The following UNC5C variants were observed in gnomAD, a reference collection of about 807,000 sequenced individuals.
UNC5C encodes netrin receptor UNC5C.
Under a neutral mutation model 99.8 loss-of-function variants are expected in UNC5C, and 47 were observed. The observed-to-expected ratio is 0.47, with a 90% confidence interval of 0.37 to 0.60. The LOEUF (loss-of-function observed/expected upper bound fraction) is 0.60, where lower values mean the gene tolerates loss of function less well. UNC5C is among the 20% of genes least tolerant of loss of function. UNC5C has a pLI of 0.00. For synonymous variants in UNC5C, 487 were observed against 452.2 expected (o/e 1.08, Z -0.98); for missense variants, 1,062 against 1,165.9 (o/e 0.91, Z 1.30).
At chr4:95,170,453 T>C (rs929181407) in intron 14 of UNC5C, 121 bp from the exon 15 acceptor site, 2 of 1,222,774 alleles carry the variant, frequency 1.6e-6, no homozygotes, top group African/African-American at 3.0e-5. Context: ...CTGTTATTCT[T>C]CTTAGGAAGA....
At chr4:95,530,452 A>G (rs1722612714) in intron 1 of UNC5C, among the ~76,000 whole-genome samples, 1 of 152,218 alleles carries the variant, frequency 6.6e-6, no homozygotes, top group Admixed American at 6.5e-5. Context: ...TCTTACTTGG[A>G]AAAGAAAGAA....
At chr4:95,196,323 C>A (rs1413750361) in intron 12 of UNC5C, among the ~76,000 whole-genome samples, 1 of 152,082 alleles carries the variant, frequency 6.6e-6, no homozygotes, top group Admixed American at 6.6e-5. Flanking sequence ...ATAGACTTGA[C>A]CTCTCTATTT....
intron 12 of UNC5C, among the ~76,000 whole-genome samples, chr4:95,193,537 TA>T (rs1000808461): frequency 1.3e-5 from 2 of 151,990 alleles, no homozygotes; most frequent in African/African-American, 4.8e-5. Flanking sequence ...GGCTGGTGTT[TA>T]AAAAAAATCA....
chr4:95,450,898 C>T (rs964335957), intron 1 of UNC5C, among the ~76,000 whole-genome samples: 1 of 152,124 alleles, frequency 6.6e-6, no homozygotes, highest in Non-Finnish European at 1.5e-5. Flanking sequence ...AGGACAATCA[C>T]CTTTTCCCTC....
chr4:95,370,549 G>A (rs1385530657), intron 1 of UNC5C, among the ~76,000 whole-genome samples: 1 of 152,054 alleles, frequency 6.6e-6, no homozygotes, highest in Non-Finnish European at 1.5e-5. Context: ...GCAAAATTGG[G>A]TACACTCATG....
At chr4:95,297,857 T>C (rs957935851) in intron 3 of UNC5C, among the ~76,000 whole-genome samples, 4 of 152,208 alleles carry the variant, frequency 2.6e-5, no homozygotes, top group Non-Finnish European at 4.4e-5. Flanking sequence ...ACATCTCTCA[T>C]AGCTGCAGTC....
At chr4:95,393,863 T>TTTAA (rs767724274) in intron 1 of UNC5C, among the ~76,000 whole-genome samples, 10 of 146,334 alleles carry the variant, frequency 6.8e-5, no homozygotes, top group African/African-American at 2.2e-4. Flanking sequence ...TTTTTTTTTT[T>TTTAA]AAAAAAAAAC....
At chr4:95,194,112 TTCCAGCCTGCACAG>T (rs1737276522) in intron 12 of UNC5C, among the ~76,000 whole-genome samples, 1 of 152,162 alleles carries the variant, frequency 6.6e-6, no homozygotes, top group Admixed American at 6.5e-5. Flanking sequence ...GAGCTGCCAC[TTCCAGCCTGCACAG>T]TCAGGGCAGT....
At chr4:95,263,500 G>A (rs1740322825) in intron 4 of UNC5C, among the ~76,000 whole-genome samples, 1 of 152,148 alleles carries the variant, frequency 6.6e-6, no homozygotes, top group African/African-American at 2.4e-5. Flanking sequence ...TAATAGGAGT[G>A]GGAGTTGGAG....
chr4:95,419,855 C>T (rs1268796735), intron 1 of UNC5C, among the ~76,000 whole-genome samples: 2 of 152,012 alleles, frequency 1.3e-5, no homozygotes, highest in Non-Finnish European at 2.9e-5. Context: ...AACAAAGGAT[C>T]ATTGGCCTCT....
intron 1 of UNC5C, among the ~76,000 whole-genome samples, chr4:95,448,863 T>C (rs1439100931): frequency 2.0e-5 from 3 of 152,212 alleles, no homozygotes; most frequent in Non-Finnish European, 2.9e-5. Context: ...TTCATGTGTT[T>C]TCTGGCCAGT....
intron 1 of UNC5C, among the ~76,000 whole-genome samples, chr4:95,500,986 G>T (rs893423559): frequency 6.6e-6 from 1 of 151,984 alleles, no homozygotes; most frequent in Non-Finnish European, 1.5e-5. Context: ...ATCATTAGTC[G>T]AAAAACTCTT....
At chr4:95,503,768 T>C (rs569939861) in intron 1 of UNC5C, among the ~76,000 whole-genome samples, 1 of 152,096 alleles carries the variant, frequency 6.6e-6, no homozygotes, top group East Asian at 1.9e-4. Context: ...AAGAAAAGCA[T>C]AAAATAGCAT....
At chr4:95,458,350 T>A (rs1301279251) in intron 1 of UNC5C, among the ~76,000 whole-genome samples, 2 of 152,076 alleles carry the variant, frequency 1.3e-5, no homozygotes, top group Non-Finnish European at 2.9e-5. Flanking sequence ...TTTTGCTGAA[T>A]ATGATTGTTC....
At chr4:95,383,751 T>C (rs1745136839) in intron 1 of UNC5C, among the ~76,000 whole-genome samples, 1 of 152,186 alleles carries the variant, frequency 6.6e-6, no homozygotes, top group Admixed American at 6.5e-5. Flanking sequence ...ATATTGCATT[T>C]GTGATAAAAT....
chr4:95,198,649 A>T (rs960791309), intron 12 of UNC5C, among the ~76,000 whole-genome samples: 4 of 152,138 alleles, frequency 2.6e-5, no homozygotes, highest in Non-Finnish European at 5.9e-5. Context: ...GAGTAGAAGT[A>T]GAACCATCCA....
intron 1 of UNC5C, among the ~76,000 whole-genome samples, chr4:95,374,299 T>G (rs1744831125): frequency 6.6e-6 from 1 of 152,170 alleles, no homozygotes; most frequent in East Asian, 1.9e-4. Flanking sequence ...TTTATTATCC[T>G]CTAATCTTGA....
intron 1 of UNC5C, among the ~76,000 whole-genome samples, chr4:95,341,847 TG>T (rs1391166035): frequency 1.3e-5 from 2 of 152,046 alleles, no homozygotes; most frequent in African/African-American, 2.4e-5. Context: ...TCTGTGTCCT[TG>T]GGGGAGGAAG....
chr4:95,330,883 T>C (rs1399084638), intron 2 of UNC5C, among the ~76,000 whole-genome samples: 8 of 152,104 alleles, frequency 5.3e-5, no homozygotes, highest in African/African-American at 9.7e-5. Flanking sequence ...TGTATAGTGG[T>C]AAAGTCAGGG....
Sources: gnomAD v4.1 joint callset for allele counts (sites outside exome capture counted in the v4.1 genomes callset) on GRCh38, gnomAD v4.1.1 for gene constraint, MANE v1.5 for transcripts, NCBI Gene and HGNC (gene_info 2026-07-23, HGNC 2026-07-21) for gene names.